The following BTBD10 variants were observed in gnomAD, a reference collection of about 807,000 sequenced individuals.
BTBD10 encodes BTB/POZ domain-containing protein 10.
BTBD10 carries 21 observed loss-of-function variants against 53.2 expected under a neutral mutation model. The observed-to-expected ratio is 0.39, with a 90% CI of 0.28 to 0.57. The LOEUF is 0.57. Ranked by LOEUF, BTBD10 falls within the 20% of genes least tolerant of loss-of-function variation. BTBD10 has a pLI of 0.53. For synonymous variants in BTBD10, 149 were observed against 192.7 expected (o/e 0.77, Z 1.88); for missense variants, 360 against 594.7 (o/e 0.61, Z 4.10).
chr11:13,411,985 C>G (rs924461095), intron 6 of BTBD10, among the ~76,000 whole-genome samples: 3 of 152,096 alleles, frequency 2.0e-5, no homozygotes, highest in Admixed American at 6.5e-5. Context: ...GCATGCACCA[C>G]CACGCCTGGC....
At chr11:13,436,376 G>A (rs886881181) in intron 2 of BTBD10, among the ~76,000 whole-genome samples, 4 of 152,138 alleles carry the variant, frequency 2.6e-5, no homozygotes, top group Non-Finnish European at 4.4e-5. Context: ...ACTTCCTCCA[G>A]CTCCCCAACC....
intron 8 of BTBD10, among the ~76,000 whole-genome samples, chr11:13,400,111 C>T (rs901320057): frequency 1.5e-4 from 23 of 152,220 alleles, no homozygotes; most frequent in Non-Finnish European, 2.9e-4. Context: ...GAGGTTATTG[C>T]TGTCTTTTGT....
intron 8 of BTBD10, among the ~76,000 whole-genome samples, chr11:13,398,698 A>G (rs1591093765): frequency 1.3e-5 from 2 of 152,184 alleles, no homozygotes; most frequent in South Asian, 2.1e-4. Flanking sequence ...TCCTTCCCAT[A>G]TTTAGTGCTT....
chr11:13,418,993 A>ATTT (rs1565246530), intron 4 of BTBD10, among the ~76,000 whole-genome samples: 857 of 49,656 alleles, frequency 0.017, 16 homozygotes, highest in African/African-American at 0.053. Flanking sequence ...TTTTTTTTTA[A>ATTT]AAGTATCTAC....
chr11:13,412,330 G>GT (rs1439549480), intron 6 of BTBD10, among the ~76,000 whole-genome samples: 1 of 152,056 alleles, frequency 6.6e-6, no homozygotes, highest in Non-Finnish European at 1.5e-5. Context: ...ATGGGTGCCT[G>GT]TAACCCCAGC....
intron 7 of BTBD10, among the ~76,000 whole-genome samples, chr11:13,404,965 T>C (rs1300838633): frequency 6.6e-6 from 1 of 152,180 alleles, no homozygotes; most frequent in African/African-American, 2.4e-5. Flanking sequence ...CAGAAGAAGA[T>C]GCTAGGCTAT....
At chr11:13,443,600 C>CTT (rs140559255) in intron 2 of BTBD10, among the ~76,000 whole-genome samples, 6 of 149,074 alleles carry the variant, frequency 4.0e-5, no homozygotes, top group African/African-American at 7.4e-5. Context: ...AAAACCAATA[C>CTT]TTTTTTTTTT....
intron 6 of BTBD10, among the ~76,000 whole-genome samples, chr11:13,412,930 T>A (rs1591115859): frequency 6.6e-6 from 1 of 152,100 alleles, no homozygotes; most frequent in South Asian, 2.1e-4. Flanking sequence ...GAAGTAACAA[T>A]GGGAGTAGGG....
At chr11:13,418,569 T>G (rs1950173980) in intron 4 of BTBD10, among the ~76,000 whole-genome samples, 1 of 152,140 alleles carries the variant, frequency 6.6e-6, no homozygotes, top group African/African-American at 2.4e-5. Context: ...TTCAAAGATT[T>G]TTTTTCATGA....
chr11:13,404,584 A>G, intron 7 of BTBD10: 1 of 980,234 alleles, frequency 1.0e-6, no homozygotes, highest in Non-Finnish European at 1.2e-6. Flanking sequence ...ACAACCTTTC[A>G]CTTTTCTTGG....
Position 13,388,785 on chromosome 11 carries a change from C to A in BTBD10, c.*46G>T. The A allele has an allele frequency of 1.3e-6, 2 of 1,557,668 alleles. No homozygotes were observed. Among genetic ancestry groups the A allele is most frequent in the Non-Finnish European group, 1.7e-6 (2 of 1,146,272 alleles). ...GCAGTGCAGAATGAGGAGAGTACAACGTCACTGTGAAGAGTAGCATGCTAT... is the reference window on the plus strand; with the variant it reads ...GCAGTGCAGAATGAGGAGAGTACAAAGTCACTGTGAAGAGTAGCATGCTAT... On this transcript the variant is annotated 3_prime_UTR_variant, in exon 9 of 9. Transcript: ENST00000278174.
intron 8 of BTBD10, among the ~76,000 whole-genome samples, chr11:13,389,400 T>C (rs547293901): frequency 1.3e-5 from 2 of 151,886 alleles, no homozygotes; most frequent in South Asian, 4.2e-4. Flanking sequence ...AGTAGGAGTA[T>C]GTTGGAGCAG....
chr11:13,400,180 T>G (rs1017600622), intron 8 of BTBD10, among the ~76,000 whole-genome samples: 3 of 152,258 alleles, frequency 2.0e-5, no homozygotes, highest in Admixed American at 6.5e-5. Context: ...CTCCTTGAGC[T>G]GTGGTGGGCT....
intron 1 of BTBD10, among the ~76,000 whole-genome samples, chr11:13,453,618 T>A (rs1362607816): frequency 1.3e-5 from 2 of 152,222 alleles, no homozygotes; most frequent in East Asian, 3.8e-4. Flanking sequence ...TCACTACATA[T>A]GCATTGATAG....
intron 8 of BTBD10, among the ~76,000 whole-genome samples, chr11:13,398,435 T>C (rs1949617215): frequency 6.6e-6 from 1 of 152,204 alleles, no homozygotes; most frequent in African/African-American, 2.4e-5. Context: ...CCTATGTGTG[T>C]CTCTGCATGT....
chr11:13,407,257 T>C lies in BTBD10; in HGVS notation c.809-1401A>G, dbSNP rs544641872. ...ATTTCTCAGGACAATTTTAAGTTCT[T>C]TTCTTCTTTATCCTATGCTGAGAAT... On this transcript the variant is annotated intron_variant, in intron 6 of 8. Coordinates refer to ENST00000278174, the MANE Select transcript of BTBD10 (RefSeq NM_032320.7). Among the ~76,000 whole-genome samples, 3 of 152,338 alleles carry C rather than the reference T, an allele frequency of 2.0e-5. No homozygotes were observed. The South Asian group carries it at 6.2e-4, about 32-fold the overall frequency.
intron 7 of BTBD10, among the ~76,000 whole-genome samples, chr11:13,405,151 A>G (rs1209869452): frequency 6.6e-6 from 1 of 152,210 alleles, no homozygotes; most frequent in Non-Finnish European, 1.5e-5. Context: ...CTATAATTCT[A>G]CAAAGCCTTA....
In BTBD10 at chr11:13,405,640, A is replaced by C; in HGVS notation, c.1006+19T>G. 1.2e-6 allele frequency: 2 copies of C among 1,612,680 alleles called. No homozygotes were observed. The highest frequency in any genetic ancestry group is 1.7e-6 in the Non-Finnish European group (2 of 1,178,982). On this transcript the variant is annotated intron_variant, in intron 7 of 8. Transcript: ENST00000278174. ...ATTCGTGATGATTCAGGGGAGAGAA[A>C]ACATGCCAGAGTACGTACTTTGTGA... is the stretch of plus-strand genomic sequence containing the variant.
At chr11:13,395,459 G>A (rs1395153766) in intron 8 of BTBD10, among the ~76,000 whole-genome samples, 1 of 152,072 alleles carries the variant, frequency 6.6e-6, no homozygotes, top group Non-Finnish European at 1.5e-5. Context: ...AGATGAGTAG[G>A]TTGCAAAAAT....
Sources: allele counts gnomAD v4.1 joint callset (sites outside exome capture counted in the v4.1 genomes callset), GRCh38; gene constraint gnomAD v4.1.1; transcripts MANE v1.5; gene names NCBI Gene and HGNC (gene_info 2026-07-23, HGNC 2026-07-21).